The following CDH18 variants were observed in gnomAD, a reference collection of about 807,000 sequenced individuals.
CDH18 encodes the protein cadherin-18.
Under a neutral mutation model 67.9 loss-of-function variants are expected in CDH18, and 31 were observed. That is an observed-to-expected ratio of 0.46 (90% CI 0.34 to 0.62). The LOEUF is 0.62. Among genes scored for constraint, CDH18 ranks in the 20% least tolerant of loss-of-function variants. The pLI is 0.01. For missense variants in CDH18, 890 were observed against 975.5 expected (o/e 0.91, Z 1.17); for synonymous variants, 362 against 347.2 (o/e 1.04, Z -0.48).
chr5:19,646,888 G>A (rs926540906), intron 5 of CDH18, among the ~76,000 whole-genome samples: 2 of 152,218 alleles, frequency 1.3e-5, no homozygotes, highest in East Asian at 1.9e-4. Context: ...AAGAGAAAAA[G>A]ATGGATGAGG....
intron 3 of CDH18, among the ~76,000 whole-genome samples, chr5:19,803,164 A>T (rs947092896): frequency 6.6e-6 from 1 of 152,244 alleles, no homozygotes; most frequent in Admixed American, 6.5e-5. Flanking sequence ...ACAGTGAACA[A>T]TAACAATGCA....
At chr5:19,502,413 C>G (rs1283453333) in intron 11 of CDH18, among the ~76,000 whole-genome samples, 1 of 152,074 alleles carries the variant, frequency 6.6e-6, no homozygotes, top group African/African-American at 2.4e-5. Context: ...GAAGAAACTT[C>G]CGTAGTTACT....
chr5:19,506,600 T>C (rs564081594), intron 10 of CDH18, among the ~76,000 whole-genome samples: 3 of 151,226 alleles, frequency 2.0e-5, no homozygotes, highest in African/African-American at 7.3e-5. Flanking sequence ...TCAGAAATAA[T>C]GCTGCATATC....
At chr5:20,296,967 C>A (rs1049362416) in intron 1 of CDH18, among the ~76,000 whole-genome samples, 5 of 151,754 alleles carry the variant, frequency 3.3e-5, no homozygotes, top group African/African-American at 4.8e-5. Flanking sequence ...TTATTATTAA[C>A]TGTAAATTTA....
intron 3 of CDH18, among the ~76,000 whole-genome samples, chr5:19,838,309 T>C (rs1781896402): frequency 6.6e-6 from 1 of 152,118 alleles, no homozygotes; most frequent in South Asian, 2.1e-4. Flanking sequence ...TTAGAAAATA[T>C]GTGTGATGTT....
At chr5:20,406,375 T>C (rs542720244) in intron 1 of CDH18, among the ~76,000 whole-genome samples, 2 of 150,624 alleles carry the variant, frequency 1.3e-5, no homozygotes, top group Non-Finnish European at 2.9e-5. Context: ...TAGGTGGGAA[T>C]TGAACAATCA....
chr5:19,952,335 C>A (rs141304604), intron 2 of CDH18, among the ~76,000 whole-genome samples: 1 of 152,286 alleles, frequency 6.6e-6, no homozygotes, highest in Non-Finnish European at 1.5e-5. Flanking sequence ...AGGCATGAAC[C>A]ACTGCACCCA....
intron 9 of CDH18, among the ~76,000 whole-genome samples, chr5:19,539,783 C>G (rs937424441): frequency 6.6e-6 from 1 of 152,130 alleles, no homozygotes; most frequent in Non-Finnish European, 1.5e-5. Context: ...CTGGAAAAGA[C>G]GAGGTCCATG....
At chr5:20,566,129 G>A (rs552918795) in intron 1 of CDH18, among the ~76,000 whole-genome samples, 4 of 152,110 alleles carry the variant, frequency 2.6e-5, no homozygotes, top group Admixed American at 6.6e-5. Context: ...GATACTAAGG[G>A]CATGACTAAA....
At chr5:20,215,521 T>A (rs1393614286) in intron 2 of CDH18, among the ~76,000 whole-genome samples, 1 of 151,756 alleles carries the variant, frequency 6.6e-6, no homozygotes, top group East Asian at 1.9e-4. Context: ...ACTTACACAG[T>A]GTTAGTGGGA....
At chr5:19,614,130 A>G (rs1218709033) in intron 5 of CDH18, among the ~76,000 whole-genome samples, 1 of 152,038 alleles carries the variant, frequency 6.6e-6, no homozygotes, top group Non-Finnish European at 1.5e-5. Flanking sequence ...TATGTTAAAA[A>G]TAGCCTTTAA....
At chr5:19,837,190 A>G (rs982444119) in intron 3 of CDH18, among the ~76,000 whole-genome samples, 16 of 152,106 alleles carry the variant, frequency 1.1e-4, no homozygotes, top group South Asian at 2.1e-4. Context: ...GTTCTCACTC[A>G]TAAGTGGGGG....
chr5:19,669,680 C>T (rs979824796), intron 5 of CDH18, among the ~76,000 whole-genome samples: 1 of 152,092 alleles, frequency 6.6e-6, no homozygotes, highest in African/African-American at 2.4e-5. Flanking sequence ...ATAGATCTAT[C>T]TTTATATCTG....
intron 1 of CDH18, among the ~76,000 whole-genome samples, chr5:20,437,579 A>G (rs1749265600): frequency 6.6e-6 from 1 of 151,368 alleles, no homozygotes; most frequent in African/African-American, 2.4e-5. Flanking sequence ...TTTCAATTTC[A>G]TCAAAATTGA....
At chr5:20,257,924 C>T (rs1157264710) in intron 1 of CDH18, among the ~76,000 whole-genome samples, 1 of 152,050 alleles carries the variant, frequency 6.6e-6, no homozygotes, top group Non-Finnish European at 1.5e-5. Flanking sequence ...ACACTCTTAA[C>T]TGGAGAAGGA....
At chr5:20,533,839 G>A (rs1261740397) in intron 1 of CDH18, among the ~76,000 whole-genome samples, 1 of 151,568 alleles carries the variant, frequency 6.6e-6, no homozygotes, top group Non-Finnish European at 1.5e-5. Flanking sequence ...CATTTTTATA[G>A]CAGTATATTT....
At chr5:20,202,856 G>A (rs1171268750) in intron 2 of CDH18, among the ~76,000 whole-genome samples, 2 of 151,830 alleles carry the variant, frequency 1.3e-5, no homozygotes, top group South Asian at 2.1e-4. Flanking sequence ...GAGAGACTGG[G>A]AGTTTCTTGC....
chr5:20,275,285 G>A (rs1745723499), intron 1 of CDH18, among the ~76,000 whole-genome samples: 1 of 151,958 alleles, frequency 6.6e-6, no homozygotes, highest in African/African-American at 2.4e-5. Context: ...GTTCTCATGA[G>A]ATCTGATGCC....
chr5:19,546,658 T>C (rs1343438323), intron 8 of CDH18, among the ~76,000 whole-genome samples: 1 of 152,152 alleles, frequency 6.6e-6, no homozygotes, highest in Non-Finnish European at 1.5e-5. Context: ...ATGCCTCTCA[T>C]AGGCATAAGG....
Sources: allele counts gnomAD v4.1 joint callset (sites outside exome capture counted in the v4.1 genomes callset), GRCh38; gene constraint gnomAD v4.1.1; transcripts MANE v1.5; gene names NCBI Gene and HGNC (gene_info 2026-07-23, HGNC 2026-07-21).